The following SMCO2 variants were observed in gnomAD, a reference collection of about 807,000 sequenced individuals.
SMCO2 encodes the protein single-pass membrane protein with coiled-coil domains 2.
Under a neutral mutation model 29.5 loss-of-function variants are expected in SMCO2, and 25 were observed. The observed-to-expected ratio is 0.85, with a 90% CI of 0.62 to 1.18. The LOEUF is 1.18. SMCO2 is among the 50% of genes most tolerant of loss of function. The pLI is 0.00. For missense variants in SMCO2, 348 were observed against 344.5 expected (o/e 1.01, Z -0.08); for synonymous variants, 117 against 123.3 (o/e 0.95, Z 0.34).
chr12:27,466,235 A>G (rs1237347577), upstream of SMCO2, among the ~76,000 whole-genome samples: 1 of 152,116 alleles, frequency 6.6e-6, no homozygotes, highest in African/African-American at 2.4e-5. Flanking sequence ...CAGCCCGGCC[A>G]ACATGGTGAA....
At chr12:27,451,098 C>G in the SMCO2 span, among the ~76,000 whole-genome samples, 8 of 152,206 alleles carry the variant, frequency 5.3e-5, no homozygotes, top group African/African-American at 1.9e-4. Flanking sequence ...TATTTTACTA[C>G]TACAGATAGT....
chr12:27,429,599 A>G, the SMCO2 span, among the ~76,000 whole-genome samples: 1 of 152,026 alleles, frequency 6.6e-6, no homozygotes, highest in African/African-American at 2.4e-5. Flanking sequence ...TTTTATTGTC[A>G]CTTCATGAAT....
chr12:27,484,935 T>C (rs568195154), intron 4 of SMCO2, among the ~76,000 whole-genome samples: 273 of 149,942 alleles, frequency 1.8e-3, no homozygotes, highest in African/African-American at 6.3e-3. Context: ...CATGTAGTTT[T>C]CTTAATTTTT....
Position 27,488,445 on chromosome 12 carries a change from T to C in SMCO2, c.363-15T>C, listed in dbSNP as rs766850054. 36 of 1,493,952 alleles carry C rather than the reference T, an allele frequency of 2.4e-5. No homozygotes were observed. The highest frequency in any genetic ancestry group is 3.1e-5 in the Non-Finnish European group (35 of 1,119,364). The allele number at this position is 1,493,952 out of a possible 1,614,324, so 92.5% of individuals were successfully genotyped here. A position where few individuals can be genotyped will look rare whatever the true frequency, so the allele number is the denominator to read the frequency against. On this transcript the variant is annotated splice_polypyrimidine_tract_variant and intron_variant, in intron 4 of 7. Coordinates refer to ENST00000298876, the Ensembl canonical transcript of SMCO2. ...TTCTTAATCTGCAGGCCTTAGTATC[T>C]TGGTCTGTTTGCAGCTTATTAAAAG...
At chr12:27,474,329 C>A (rs1401351055) in intron 3 of SMCO2, among the ~76,000 whole-genome samples, 9 of 152,120 alleles carry the variant, frequency 5.9e-5, no homozygotes, top group African/African-American at 2.2e-4. Context: ...CTTTAATTGT[C>A]CCCCAAATGT....
chr12:27,463,662 A>G (rs1202785785), upstream of SMCO2, among the ~76,000 whole-genome samples: 1 of 152,216 alleles, frequency 6.6e-6, no homozygotes, highest in Non-Finnish European at 1.5e-5. Context: ...AAGTGCGAGA[A>G]ACAAATGCAC....
At chr12:27,425,399 G>A in the SMCO2 span, 1 of 151,770 alleles carries the variant, frequency 6.6e-6, no homozygotes, top group Admixed American at 6.6e-5. Flanking sequence ...TATATTTCTG[G>A]GTATGTTCCC....
At chr12:27,451,512 T>C in the SMCO2 span, among the ~76,000 whole-genome samples, 1 of 152,244 alleles carries the variant, frequency 6.6e-6, no homozygotes, top group African/African-American at 2.4e-5. Context: ...ATATTTACTG[T>C]TGATGCATTA....
chr12:27,445,258 T>C, the SMCO2 span, among the ~76,000 whole-genome samples: 3 of 152,174 alleles, frequency 2.0e-5, no homozygotes, highest in African/African-American at 7.2e-5. Context: ...CATTTAAAAA[T>C]GGTAAATATG....
intron 4 of SMCO2, among the ~76,000 whole-genome samples, chr12:27,482,290 T>G (rs1428570423): frequency 6.6e-6 from 1 of 152,152 alleles, no homozygotes; most frequent in African/African-American, 2.4e-5. Context: ...TATCTGTAAA[T>G]ATATTTTAAT....
chr12:27,470,643 G>T (rs373506540), exon 2 of SMCO2: 1 of 1,550,778 alleles, frequency 6.4e-7, no homozygotes, highest in East Asian at 2.4e-5. Flanking sequence ...TGGCTCTCAC[G>T]CCCACAAACC....
chr12:27,499,590 C>T (rs975147807), intron 7 of SMCO2, among the ~76,000 whole-genome samples: 2 of 150,648 alleles, frequency 1.3e-5, no homozygotes, highest in Admixed American at 1.3e-4. Flanking sequence ...TAGTATGTGA[C>T]TAATAACTCC....
At chr12:27,485,299 C>CT (rs1005954154) in intron 4 of SMCO2, among the ~76,000 whole-genome samples, 2 of 151,998 alleles carry the variant, frequency 1.3e-5, no homozygotes, top group East Asian at 1.9e-4. Flanking sequence ...TGATCTGGGT[C>CT]TTTTTTCTAT....
the SMCO2 span, among the ~76,000 whole-genome samples, chr12:27,443,543 A>G: frequency 6.6e-6 from 1 of 152,332 alleles, no homozygotes; most frequent in East Asian, 1.9e-4. Context: ...AAAGAAACAA[A>G]AGGCATCTAA....
chr12:27,476,693 T>C (rs1949589324), intron 4 of SMCO2, among the ~76,000 whole-genome samples: 1 of 151,926 alleles, frequency 6.6e-6, no homozygotes, highest in African/African-American at 2.4e-5. Flanking sequence ...TTGATTTCTG[T>C]TTGCATGAAA....
intron 2 of SMCO2, among the ~76,000 whole-genome samples, chr12:27,472,062 G>A (rs1263982704): frequency 6.6e-6 from 1 of 152,068 alleles, no homozygotes; most frequent in Non-Finnish European, 1.5e-5. Flanking sequence ...AAAACTGATT[G>A]GAAAATTATT....
chr12:27,456,689 A>AT, the SMCO2 span, among the ~76,000 whole-genome samples: 4 of 152,012 alleles, frequency 2.6e-5, no homozygotes, highest in Non-Finnish European at 5.9e-5. Flanking sequence ...TAGAAGAATC[A>AT]TTTTTTTCCC....
At chr12:27,441,823 G>C in the SMCO2 span, among the ~76,000 whole-genome samples, 1 of 152,034 alleles carries the variant, frequency 6.6e-6, no homozygotes, top group African/African-American at 2.4e-5. Context: ...CCATATCTTA[G>C]GTCTGCATAA....
the SMCO2 span, among the ~76,000 whole-genome samples, chr12:27,454,775 C>G: frequency 6.6e-6 from 1 of 152,124 alleles, no homozygotes; most frequent in Non-Finnish European, 1.5e-5. Context: ...CCTTCCTGTG[C>G]CCATGTGTTC....
Sources: allele counts gnomAD v4.1 joint callset (sites outside exome capture counted in the v4.1 genomes callset), GRCh38; gene constraint gnomAD v4.1.1; transcripts MANE v1.5; gene names NCBI Gene and HGNC (gene_info 2026-07-23, HGNC 2026-07-21).